The following HS2ST1 variants were observed in gnomAD, a reference collection of about 807,000 sequenced individuals.
The protein encoded by HS2ST1 is 2-O-sulfotransferase.
Under a neutral mutation model 42.9 loss-of-function variants are expected in HS2ST1, and 18 were observed. That is an observed-to-expected ratio of 0.42 (90% CI 0.29 to 0.62). HS2ST1 has a LOEUF of 0.62. HS2ST1 is among the 20% of genes least tolerant of loss of function. The pLI is 0.21. For missense variants in HS2ST1, 334 were observed against 433.8 expected, an observed-to-expected ratio of 0.77 and a Z score of 2.04; for synonymous variants, 146 against 152.9, an observed-to-expected ratio of 0.95 and a Z score of 0.33.
intron 1 of HS2ST1, chr1:87,045,044 G>A: frequency 1.6e-6 from 2 of 1,227,054 alleles, no homozygotes; most frequent in East Asian, 2.4e-5. Flanking sequence ...CTTCTTCACT[G>A]ACGTCAGCAT....
chr1:86,935,804 G>A (rs1292334402), intron 1 of HS2ST1, among the ~76,000 whole-genome samples: 1 of 151,928 alleles, frequency 6.6e-6, no homozygotes, highest in African/African-American at 2.4e-5. Flanking sequence ...TTTCTTGTGA[G>A]GTGTATTTTC....
chr1:87,043,082 A>G (rs1276491344), intron 1 of HS2ST1, among the ~76,000 whole-genome samples: 3 of 152,194 alleles, frequency 2.0e-5, no homozygotes, highest in East Asian at 1.9e-4. Context: ...GGTATAGGAG[A>G]CACTTATAAC....
chr1:87,039,290 C>T (rs1650462886), intron 1 of HS2ST1, among the ~76,000 whole-genome samples: 1 of 152,200 alleles, frequency 6.6e-6, no homozygotes, highest in Non-Finnish European at 1.5e-5. Context: ...GCTACCTCAG[C>T]AATATTACCA....
intron 1 of HS2ST1, among the ~76,000 whole-genome samples, chr1:87,032,593 A>G (rs760673511): frequency 7.9e-5 from 12 of 152,188 alleles, no homozygotes; most frequent in East Asian, 1.9e-4. Context: ...CCTCAGGACA[A>G]GTATTCACAG....
At position 87,011,615 on chromosome 1, in the gene HS2ST1, A is replaced by G. The variant is rs147133243; in HGVS notation, c.125-61319A>G. ...GGTTCACTTTTCTTTTCATTCTTTA[A>G]TTAACTCATCAATAATAGAATTAGG... is the stretch of plus-strand genomic sequence containing the variant. On this transcript the variant is annotated intron_variant, in intron 1 of 6. Coordinates refer to ENST00000370550, the MANE Select transcript of HS2ST1 (RefSeq NM_012262.4). Among the ~76,000 whole-genome samples the G allele has an allele frequency of 4.6e-3, 703 of 152,264 alleles. 4 individuals are homozygous for G. The highest frequency in any genetic ancestry group is 0.02 in the Middle Eastern group (6 of 294).
At chr1:86,983,570 C>T (rs968775175) in intron 1 of HS2ST1, among the ~76,000 whole-genome samples, 2 of 151,864 alleles carry the variant, frequency 1.3e-5, no homozygotes, top group Non-Finnish European at 2.9e-5. Flanking sequence ...GGTGGGGACA[C>T]AAAGCCAAAC....
At chr1:86,943,471 C>T (rs538525923) in intron 1 of HS2ST1, among the ~76,000 whole-genome samples, 23 of 152,156 alleles carry the variant, frequency 1.5e-4, no homozygotes, top group Non-Finnish European at 2.9e-4. Context: ...AATCCCAGCA[C>T]TTTGGAGGCT....
intron 1 of HS2ST1, among the ~76,000 whole-genome samples, chr1:87,033,543 G>T (rs75370166): frequency 0.035 from 5,148 of 147,382 alleles, 133 homozygotes; most frequent in African/African-American, 0.078. Flanking sequence ...TTGTTTTTTT[G>T]TTTGTTTGTT....
At chr1:87,034,584 C>T (rs186476238) in intron 1 of HS2ST1, among the ~76,000 whole-genome samples, 45 of 152,238 alleles carry the variant, frequency 3.0e-4, no homozygotes, top group African/African-American at 1.1e-3. Flanking sequence ...ACAATGAGCT[C>T]TAGGAAATCA....
rs566485065 is a variant in HS2ST1, at chr1:87,006,742, CATAAT to C, written c.125-66187_125-66183del. On this transcript the variant is annotated intron_variant, in intron 1 of 6. Transcript: ENST00000370550. ...TTGAATCATTTTAGTCATTTCTTCTCATAATATAAACATGCTATGATTAATCTAAA... is the reference window on the plus strand; with the variant it reads ...TTGAATCATTTTAGTCATTTCTTCTCATAAACATGCTATGATTAATCTAAA... Among the ~76,000 whole-genome samples, 1,006 of 152,148 alleles carry C rather than the reference CATAAT, an allele frequency of 6.6e-3. 5 individuals are homozygous for C. The highest frequency in any genetic ancestry group is 0.01 in the Non-Finnish European group (708 of 67,944).
Position 87,029,989 on chromosome 1 carries a change from A to G in HS2ST1, c.125-42945A>G, listed in dbSNP as rs562809498. On this transcript the variant is annotated intron_variant, in intron 1 of 6. Transcript: ENST00000370550. ...TAAAAAGGAAAGCAAATTTGTATAC[A>G]GTTTTCCTTTCAAATGCAGAAGAAG... 6.6e-5 allele frequency among the ~76,000 whole-genome samples: 10 copies of G among 152,296 alleles called. No individual in the cohort carries two copies. In the South Asian group the frequency reaches 2.1e-3, roughly 32 times the overall value.
rs1652371731 is a variant in HS2ST1, at chr1:87,108,219, G to A, written c.*3523G>A. 1 of 152,048 alleles carries A rather than the reference G, an allele frequency of 6.6e-6. No homozygotes were observed. Among genetic ancestry groups the A allele is most frequent in the Non-Finnish European group, 1.5e-5 (1 of 67,954 alleles). The allele number at this position is 152,048 out of a possible 1,614,324, so 9.4% of individuals were successfully genotyped here. On this transcript the variant is annotated 3_prime_UTR_variant, in exon 7 of 7. Coordinates refer to ENST00000370550, the MANE Select transcript of HS2ST1 (RefSeq NM_012262.4). Reference sequence around the variant, plus strand: ...AAAGTGCTAGAGAATTTAACTAAAAGCTGGTTCCCAAATGCATAGCTGGCA... The same window carrying A: ...AAAGTGCTAGAGAATTTAACTAAAAACTGGTTCCCAAATGCATAGCTGGCA...
intron 1 of HS2ST1, among the ~76,000 whole-genome samples, chr1:87,012,849 A>G (rs1161463681): frequency 6.6e-6 from 1 of 152,240 alleles, no homozygotes; most frequent in Non-Finnish European, 1.5e-5. Flanking sequence ...CAAAGGGGCT[A>G]CAGGCCCCAT....
intron 5 of HS2ST1, chr1:87,098,402 GT>G: frequency 1.2e-6 from 1 of 834,086 alleles, no homozygotes; most frequent in South Asian, 5.5e-5. Flanking sequence ...TAAATATCAA[GT>G]GGAAAATAAA....
At chr1:86,971,319 A>C (rs187827256) in intron 1 of HS2ST1, among the ~76,000 whole-genome samples, 1 of 152,286 alleles carries the variant, frequency 6.6e-6, no homozygotes, top group East Asian at 1.9e-4. Context: ...AAAACAAAAA[A>C]AAACCTTGGC....
intron 1 of HS2ST1, among the ~76,000 whole-genome samples, chr1:86,980,118 A>T (rs1648535165): frequency 6.6e-6 from 1 of 152,198 alleles, no homozygotes; most frequent in African/African-American, 2.4e-5. Context: ...TTCATTCAAA[A>T]ATGTGTATTG....
At chr1:87,067,917 A>G (rs1295652552) in intron 1 of HS2ST1, among the ~76,000 whole-genome samples, 4 of 152,098 alleles carry the variant, frequency 2.6e-5, no homozygotes, top group Non-Finnish European at 4.4e-5. Flanking sequence ...GTTCTGCTCC[A>G]TTGGTCTGTA....
At chr1:86,924,229 C>T (rs1660364597) in intron 1 of HS2ST1, among the ~76,000 whole-genome samples, 1 of 152,206 alleles carries the variant, frequency 6.6e-6, no homozygotes, top group Non-Finnish European at 1.5e-5. Context: ...GAGTTGGGCT[C>T]CCATGGCCTT....
chr1:87,019,915 C>T (rs1250477599), intron 1 of HS2ST1, among the ~76,000 whole-genome samples: 1 of 152,184 alleles, frequency 6.6e-6, no homozygotes, highest in Non-Finnish European at 1.5e-5. Flanking sequence ...CTTTTTCTGA[C>T]TCCCATAGAA....
Sources: allele counts gnomAD v4.1 joint callset (sites outside exome capture counted in the v4.1 genomes callset), GRCh38; gene constraint gnomAD v4.1.1; transcripts MANE v1.5; gene names NCBI Gene and HGNC (gene_info 2026-07-23, HGNC 2026-07-21).